GTF2IRD1: variants seen among roughly 807,000 people sequenced by gnomAD.
The protein encoded by GTF2IRD1 is GTF2I repeat domain containing 1, also known as general transcription factor II-I repeat domain-containing protein 1.
A neutral mutation model predicts 113.2 loss-of-function variants in GTF2IRD1; 26 were observed. The ratio of observed to expected loss-of-function variants is 0.23; its 90% CI spans 0.17 to 0.32. GTF2IRD1 has a LOEUF of 0.32. Among genes scored for constraint, GTF2IRD1 ranks in the 10% least tolerant of loss-of-function variants. GTF2IRD1 has a pLI of 1.00. For missense variants in GTF2IRD1, 864 were observed against 1,280.8 expected (o/e 0.67, Z 4.97); for synonymous variants, 484 against 529.1 (o/e 0.91, Z 1.17).
intron 1 of GTF2IRD1, among the ~76,000 whole-genome samples, chr7:74,497,629 C>A (rs1462496340): frequency 1.3e-5 from 2 of 152,116 alleles, no homozygotes; most frequent in Non-Finnish European, 2.9e-5. Flanking sequence ...TGCATCCCTA[C>A]CAGCAGCACA....
intron 7 of GTF2IRD1, among the ~76,000 whole-genome samples, chr7:74,521,752 C>T (rs868911468): frequency 1.6e-4 from 24 of 152,066 alleles, no homozygotes; most frequent in African/African-American, 4.1e-4. Context: ...ACAGTTAGAC[C>T]CTATCTCTAA....
intron 22 of GTF2IRD1, among the ~76,000 whole-genome samples, chr7:74,565,811 A>G (rs782580783): frequency 2.3e-4 from 35 of 151,958 alleles, no homozygotes; most frequent in Non-Finnish European, 4.6e-4. Flanking sequence ...CTCTACAAAA[A>G]AAATTTTTTT....
intron 22 of GTF2IRD1, among the ~76,000 whole-genome samples, chr7:74,584,929 GT>G (rs1801629373): frequency 6.6e-6 from 1 of 152,016 alleles, no homozygotes; most frequent in Admixed American, 6.6e-5. Context: ...CGCCCCCGGA[GT>G]AGCTGGGATT....
chr7:74,565,768 G>T (rs782526639), intron 22 of GTF2IRD1, among the ~76,000 whole-genome samples: 4 of 152,040 alleles, frequency 2.6e-5, no homozygotes, highest in Non-Finnish European at 5.9e-5. Context: ...CCAGGAGTTG[G>T]AGATCAGCCT....
intron 2 of GTF2IRD1, among the ~76,000 whole-genome samples, chr7:74,510,010 C>T (rs1186630119): frequency 1.3e-5 from 2 of 152,106 alleles, no homozygotes; most frequent in Non-Finnish European, 2.9e-5. Context: ...CTTCTGGGTA[C>T]AAAGTCTCCC....
At chr7:74,531,735 G>GT (rs1218386971) in intron 9 of GTF2IRD1, among the ~76,000 whole-genome samples, 1 of 151,732 alleles carries the variant, frequency 6.6e-6, no homozygotes. Flanking sequence ...AAAAAAAAAA[G>GT]TGGGGGGAGC....
Position 74,601,080 on chromosome 7 carries a change from G to A in GTF2IRD1, c.2666G>A (p.Arg889Gln), listed in dbSNP as rs375183551. The A allele has an allele frequency of 5.0e-6, 8 of 1,614,048 alleles. No individual in the cohort carries two copies. The highest frequency in any genetic ancestry group is 4.0e-5 in the African/African-American group (3 of 74,934). Residue 889 changes from arginine to glutamine, a missense_variant, in exon 26 of 27, where the codon CGG becomes CAG. Around this residue, in one of 7 missense-constraint regions of GTF2IRD1, gnomAD observed 55 missense variants for 52.2 expected, o/e 1.05. Transcript: ENST00000424337. ...DSSIPKRKRK[R>Q]VSEGNSVSSS... is the part of the protein sequence containing the mutation. ...AGCATTCCCAAGCGCAAGAGAAAGC[G>A]GGTCTCGGAAGGAAATTCCGTCTCC...
In GTF2IRD1 at chr7:74,520,639, C is replaced by T. The variant is rs587746250; in HGVS notation, c.917-569C>T. On this transcript the variant is annotated intron_variant, in intron 6 of 26. Transcript: ENST00000424337. ...CCAATGTGCTCAAGTTTGAGAGTTG[C>T]TGAATTAAAGCGCTGGGTCTTGCCA... is the stretch of plus-strand genomic sequence containing the variant. Among the ~76,000 whole-genome samples, 14 of 151,518 alleles carry T rather than the reference C, an allele frequency of 9.2e-5. No homozygotes were observed. The South Asian group carries it at 2.9e-3, about 32-fold the overall frequency.
chr7:74,487,404 C>A (rs1421891775), intron 1 of GTF2IRD1: 1 of 152,160 alleles, frequency 6.6e-6, no homozygotes, highest in Non-Finnish European at 1.5e-5. Context: ...TACTTGATAT[C>A]GTAAGAAATA....
chr7:74,558,004 T>A (rs1242779050), intron 20 of GTF2IRD1, among the ~76,000 whole-genome samples: 1 of 152,146 alleles, frequency 6.6e-6, no homozygotes, highest in Non-Finnish European at 1.5e-5. Flanking sequence ...CCCGGCACAG[T>A]GGCTCCTGCC....
At chr7:74,478,381 C>G (rs1171779977) in intron 1 of GTF2IRD1, among the ~76,000 whole-genome samples, 1 of 152,198 alleles carries the variant, frequency 6.6e-6, no homozygotes, top group Non-Finnish European at 1.5e-5. Flanking sequence ...TCACGTGGGG[C>G]TCTCACAGAG....
intron 25 of GTF2IRD1, among the ~76,000 whole-genome samples, chr7:74,599,671 T>C (rs1352321160): frequency 1.3e-5 from 2 of 152,132 alleles, no homozygotes; most frequent in African/African-American, 4.8e-5. Flanking sequence ...GTGATAACCA[T>C]AGCAATACAA....
At chr7:74,577,963 G>A (rs1801178261) in intron 22 of GTF2IRD1, among the ~76,000 whole-genome samples, 1 of 151,950 alleles carries the variant, frequency 6.6e-6, no homozygotes, top group Non-Finnish European at 1.5e-5. Flanking sequence ...GGGTGCCACT[G>A]TACCAGCTAC....
chr7:74,526,228 A>G (rs1356610221), intron 8 of GTF2IRD1, among the ~76,000 whole-genome samples: 2 of 152,200 alleles, frequency 1.3e-5, no homozygotes, highest in African/African-American at 4.8e-5. Flanking sequence ...CCTTTTCCAA[A>G]TGTCAGTTCC....
At chr7:74,460,239 G>A (rs766959358) in intron 1 of GTF2IRD1, among the ~76,000 whole-genome samples, 5 of 151,518 alleles carry the variant, frequency 3.3e-5, no homozygotes, top group Non-Finnish European at 7.4e-5. Flanking sequence ...GTGAGCCACT[G>A]TACCCAGCCA....
chr7:74,590,765 A>C, intron 23 of GTF2IRD1, 60 bp from the exon 24 acceptor site: 1 of 1,196,928 alleles, frequency 8.4e-7, no homozygotes, highest in Non-Finnish European at 1.2e-6. Context: ...CCCTTTCCCT[A>C]GAGGGCTTTG....
chr7:74,467,337 G>A (rs1793787220), intron 1 of GTF2IRD1, among the ~76,000 whole-genome samples: 1 of 152,190 alleles, frequency 6.6e-6, no homozygotes, highest in Admixed American at 6.5e-5. Flanking sequence ...GCGTTCAGAG[G>A]CATCTGGAGG....
chr7:74,566,045 G>C (rs1800293953), intron 22 of GTF2IRD1, among the ~76,000 whole-genome samples: 1 of 134,076 alleles, frequency 7.5e-6, no homozygotes, highest in Non-Finnish European at 1.6e-5. Context: ...ACACCCTAAA[G>C]AGAAATGCAA....
chr7:74,463,992 G>A (rs1374878697), intron 1 of GTF2IRD1, among the ~76,000 whole-genome samples: 1 of 152,120 alleles, frequency 6.6e-6, no homozygotes, highest in African/African-American at 2.4e-5. Context: ...CCAGAGTGCT[G>A]GAATTACAGG....
Sources: allele counts gnomAD v4.1 joint callset (sites outside exome capture counted in the v4.1 genomes callset), GRCh38; gene constraint gnomAD v4.1.1; regional missense constraint gnomAD v4.1.1; transcripts MANE v1.5; gene names NCBI Gene and HGNC (gene_info 2026-07-23, HGNC 2026-07-21).